HPSE2: variants seen among roughly 807,000 people sequenced by gnomAD.
The protein encoded by HPSE2 is inactive heparanase-2.
A neutral mutation model predicts 60.5 loss-of-function variants in HPSE2; 38 were observed. That is an observed-to-expected ratio of 0.63 (90% confidence interval 0.48 to 0.82). The LOEUF (loss-of-function observed/expected upper bound fraction) is 0.82. Ranked by LOEUF, HPSE2 falls within the 40% of genes least tolerant of loss-of-function variation. The pLI is 0.00. For missense variants in HPSE2, 713 were observed against 740.4 expected, an observed-to-expected ratio of 0.96 and a Z score of 0.43; for synonymous variants, 295 against 293.2, an observed-to-expected ratio of 1.01 and a Z score of -0.06.
chr10:98,749,947 T>TATATATATACAC lies in HPSE2; in HGVS notation c.611-5892_611-5891insGTGTATATATAT. On this transcript the variant is annotated intron_variant, in intron 3 of 11. Coordinates refer to ENST00000370552, the MANE Select transcript of HPSE2 (RefSeq NM_021828.5). The stretch of plus-strand genomic sequence containing the variant: ...ATTAAACACTATATATATATATATA[T>TATATATATACAC]ACACACACACTTACACACACATTTA... Among the ~76,000 whole-genome samples the TATATATATACAC allele has an allele frequency of 8.7e-3, 856 of 98,446 alleles. 12 individuals carry two copies. The highest frequency in any genetic ancestry group is 0.015 in the Non-Finnish European group (676 of 46,108). 64.6% of individuals were successfully genotyped at this position (98,446 alleles called of 152,430 possible).
intron 9 of HPSE2, among the ~76,000 whole-genome samples, chr10:98,558,145 G>A (rs1441116140): frequency 6.6e-6 from 1 of 152,052 alleles, no homozygotes; most frequent in Non-Finnish European, 1.5e-5. Context: ...TGTTGACAAG[G>A]CTGTGGAGAA....
intron 9 of HPSE2, among the ~76,000 whole-genome samples, chr10:98,573,493 G>A (rs1944558183): frequency 1.3e-5 from 2 of 152,250 alleles, no homozygotes; most frequent in Admixed American, 6.5e-5. Context: ...TGTTGCTCAG[G>A]CCCACAAGAA....
intron 3 of HPSE2, among the ~76,000 whole-genome samples, chr10:98,934,893 C>T (rs1397536615): frequency 4.2e-5 from 6 of 143,388 alleles, no homozygotes; most frequent in Admixed American, 4.2e-4. Flanking sequence ...AACTTGGTTC[C>T]ATTCTCCCCA....
intron 3 of HPSE2, among the ~76,000 whole-genome samples, chr10:98,949,250 G>GCACACA (rs35314282): frequency 1.5e-4 from 23 of 150,964 alleles, no homozygotes; most frequent in African/African-American, 5.3e-4. Flanking sequence ...ACGCATGCGT[G>GCACACA]CACACACACA....
intron 3 of HPSE2, among the ~76,000 whole-genome samples, chr10:98,965,438 T>TA (rs36089500): frequency 0.49 from 72,121 of 148,132 alleles, 19,152 homozygotes; most frequent in East Asian, 0.62. Flanking sequence ...ACAAATTAAG[T>TA]AAAAAAAAAA....
At chr10:99,075,837 C>G (rs1180187416) in intron 3 of HPSE2, among the ~76,000 whole-genome samples, 1 of 152,084 alleles carries the variant, frequency 6.6e-6, no homozygotes, top group Non-Finnish European at 1.5e-5. Context: ...TATAGCCACT[C>G]TGCTCTCTTT....
intron 3 of HPSE2, among the ~76,000 whole-genome samples, chr10:98,917,790 AC>A (rs1310584359): frequency 2.6e-5 from 4 of 152,230 alleles, no homozygotes; most frequent in Non-Finnish European, 5.9e-5. Context: ...TAACACTTGT[AC>A]AGGAGAAACT....
chr10:98,662,937 T>TA (rs1947263032), intron 6 of HPSE2, among the ~76,000 whole-genome samples: 1 of 152,058 alleles, frequency 6.6e-6, no homozygotes. Flanking sequence ...TAGAAAGATT[T>TA]AAAAAACAAT....
intron 3 of HPSE2, among the ~76,000 whole-genome samples, chr10:99,032,572 T>A (rs1045430101): frequency 1.3e-5 from 2 of 152,168 alleles, no homozygotes; most frequent in Non-Finnish European, 2.9e-5. Context: ...TGTAGAAAAA[T>A]TATCTTGACA....
intron 3 of HPSE2, among the ~76,000 whole-genome samples, chr10:98,901,371 G>A (rs561822670): frequency 6.6e-6 from 1 of 152,256 alleles, no homozygotes; most frequent in Admixed American, 6.5e-5. Context: ...CAGTTGATTT[G>A]GAAAACAAAG....
At chr10:99,223,365 G>A (rs1444204491) in intron 2 of HPSE2, among the ~76,000 whole-genome samples, 1 of 152,146 alleles carries the variant, frequency 6.6e-6, no homozygotes, top group Non-Finnish European at 1.5e-5. Context: ...TTATTGGGCT[G>A]CAGAGAAACA....
intron 3 of HPSE2, among the ~76,000 whole-genome samples, chr10:99,073,794 T>C (rs1175703084): frequency 1.6e-4 from 25 of 152,208 alleles, no homozygotes; most frequent in Admixed American, 1.6e-3. Context: ...CTATGTATTT[T>C]ATTCTTTTTG....
chr10:98,608,208 C>G (rs1032068115), intron 9 of HPSE2, among the ~76,000 whole-genome samples: 1 of 152,220 alleles, frequency 6.6e-6, no homozygotes, highest in Admixed American at 6.5e-5. Flanking sequence ...CATTCAAATA[C>G]TTCCCTGTCT....
At chr10:99,227,900 C>CATATAT (rs61242355) in intron 2 of HPSE2, among the ~76,000 whole-genome samples, 2 of 140,006 alleles carry the variant, frequency 1.4e-5, no homozygotes, top group African/African-American at 2.6e-5. Context: ...TGTGTATATA[C>CATATAT]ATATATATAT....
intron 5 of HPSE2, among the ~76,000 whole-genome samples, chr10:98,709,295 G>T (rs974631538): frequency 1.4e-4 from 21 of 152,126 alleles, no homozygotes; most frequent in Admixed American, 1.3e-3. Context: ...TCTGTTTAGG[G>T]TCTGGTATTA....
chr10:98,869,541 T>C (rs1196116326), intron 3 of HPSE2, among the ~76,000 whole-genome samples: 4 of 152,288 alleles, frequency 2.6e-5, no homozygotes, highest in Non-Finnish European at 1.5e-5. Flanking sequence ...CTATTGTAAT[T>C]AAGAATTGGT....
intron 5 of HPSE2, among the ~76,000 whole-genome samples, chr10:98,702,668 C>T (rs1043709829): frequency 8.5e-5 from 13 of 152,266 alleles, no homozygotes; most frequent in African/African-American, 3.1e-4. Flanking sequence ...ATTTGAACAA[C>T]CTGCTCCTGA....
At chr10:98,483,936 T>C (rs1941343018) in intron 10 of HPSE2, among the ~76,000 whole-genome samples, 1 of 152,188 alleles carries the variant, frequency 6.6e-6, no homozygotes, top group African/African-American at 2.4e-5. Context: ...ATTAACTCTC[T>C]AGGAAGCTTT....
chr10:98,569,238 G>A (rs1375820929), intron 9 of HPSE2, among the ~76,000 whole-genome samples: 1 of 151,772 alleles, frequency 6.6e-6, no homozygotes, highest in East Asian at 1.9e-4. Context: ...TAATTTTTTT[G>A]TATTTTGAGA....
Sources: gnomAD v4.1 joint callset for allele counts (sites outside exome capture counted in the v4.1 genomes callset) on GRCh38, gnomAD v4.1.1 for gene constraint, MANE v1.5 for transcripts, NCBI Gene and HGNC (gene_info 2026-07-23, HGNC 2026-07-21) for gene names.